COL25A1: variants seen among roughly 807,000 people sequenced by gnomAD.
The protein encoded by COL25A1 is collagen type XXV alpha 1 chain, also known as collagen alpha-1(XXV) chain.
Under a neutral mutation model 128.4 loss-of-function variants are expected in COL25A1, and 103 were observed. That is an observed-to-expected ratio of 0.80 (90% CI 0.68 to 0.94). The LOEUF (loss-of-function observed/expected upper bound fraction) is 0.94, where lower values mean the gene tolerates loss of function less well. Among genes scored for constraint, COL25A1 ranks in the 40% least tolerant of loss-of-function variants. The pLI, the probability that COL25A1 is intolerant of heterozygous loss-of-function variation, is 0.00. For synonymous variants in COL25A1, 279 were observed against 277.2 expected (o/e 1.01, Z -0.06); for missense variants, 745 against 840.0 (o/e 0.89, Z 1.40).
intron 3 of COL25A1, among the ~76,000 whole-genome samples, chr4:109,149,125 G>A (rs1771226128): frequency 6.6e-6 from 1 of 152,052 alleles, no homozygotes; most frequent in Non-Finnish European, 1.5e-5. Flanking sequence ...GCTGTATGTT[G>A]ATTTTTGTAG....
Position 109,301,737 on chromosome 4 carries a change from G to A in COL25A1, c.283C>T (p.Arg95Ter), listed in dbSNP as rs768137711. ...GCCTCTCACACCTGAGCCAGAAGTC[G>A]CTCCACTTTCTCTTGCACCATAGTC... ...LKTMVQEKVE[R>*]LLAQKSYEHM... is the part of the protein sequence containing the mutation. Residue 95 changes from arginine to a stop codon, truncating the protein, a stop_gained, in exon 2 of 38, where the codon CGA (arginine) becomes TGA (stop). Transcript: ENST00000399132. LOFTEE classifies it high-confidence loss of function. 1 of 1,612,678 alleles carries A rather than the reference G, an allele frequency of 6.2e-7. No individual in the cohort carries two copies. The highest frequency in any genetic ancestry group is 1.7e-5 in the Admixed American group (1 of 59,994).
At chr4:109,152,409 A>C (rs970234963) in intron 3 of COL25A1, among the ~76,000 whole-genome samples, 2 of 152,222 alleles carry the variant, frequency 1.3e-5, no homozygotes, top group Non-Finnish European at 2.9e-5. Flanking sequence ...TACACTGTAA[A>C]GTATATAGAG....
At chr4:108,900,002 T>A (rs901897298) in intron 14 of COL25A1, among the ~76,000 whole-genome samples, 18 of 152,116 alleles carry the variant, frequency 1.2e-4, no homozygotes, top group South Asian at 6.2e-4. Context: ...AATGTTGCCA[T>A]AAGATCAGAC....
intron 3 of COL25A1, among the ~76,000 whole-genome samples, chr4:109,061,320 G>A (rs1237434132): frequency 6.6e-6 from 1 of 152,042 alleles, no homozygotes; most frequent in Non-Finnish European, 1.5e-5. Context: ...TAGAAATTCT[G>A]CCTTCTTCAC....
chr4:109,032,720 T>G (rs947774198), intron 5 of COL25A1, among the ~76,000 whole-genome samples: 1 of 152,218 alleles, frequency 6.6e-6, no homozygotes, highest in Non-Finnish European at 1.5e-5. Context: ...AGACAGGAAA[T>G]GTAGCTTAGC....
chr4:109,084,041 T>G lies in COL25A1; in HGVS notation c.368-33862A>C, dbSNP rs1274425128. Reference sequence around the variant, plus strand: ...GAATAATCCACTACACAAGACTCATTTTGTGTCACAAACTCTACAAAGCTT... The same window carrying G: ...GAATAATCCACTACACAAGACTCATGTTGTGTCACAAACTCTACAAAGCTT... On this transcript the variant is annotated intron_variant, in intron 3 of 37. Transcript: ENST00000399132. 5.4e-4 allele frequency among the ~76,000 whole-genome samples: 82 copies of G among 152,330 alleles called. 1 individual carries two copies. The highest frequency in any genetic ancestry group is 1.9e-3 in the African/African-American group (79 of 41,580).
intron 3 of COL25A1, among the ~76,000 whole-genome samples, chr4:109,081,018 C>T (rs1270791896): frequency 1.3e-5 from 2 of 152,128 alleles, no homozygotes; most frequent in Admixed American, 1.3e-4. Context: ...GAATAAATAA[C>T]CTGCGCAAGG....
At chr4:109,272,113 G>A (rs1782237617) in intron 3 of COL25A1, among the ~76,000 whole-genome samples, 1 of 152,066 alleles carries the variant, frequency 6.6e-6, no homozygotes, top group Non-Finnish European at 1.5e-5. Context: ...GTGTGTACCT[G>A]TAGTTCCTGC....
At chr4:109,009,013 T>C (rs758328111) in intron 6 of COL25A1, among the ~76,000 whole-genome samples, 1 of 152,046 alleles carries the variant, frequency 6.6e-6, no homozygotes, top group Admixed American at 6.5e-5. Context: ...TCCCAGCTAC[T>C]TGGGTGGCTG....
chr4:109,107,713 G>A (rs907428762), intron 3 of COL25A1, among the ~76,000 whole-genome samples: 6 of 152,110 alleles, frequency 3.9e-5, no homozygotes, highest in Non-Finnish European at 8.8e-5. Flanking sequence ...GAATATTACC[G>A]ACATCTGTAG....
At chr4:108,888,770 T>C (rs1271670082) in intron 18 of COL25A1, among the ~76,000 whole-genome samples, 1 of 152,168 alleles carries the variant, frequency 6.6e-6, no homozygotes, top group African/African-American at 2.4e-5. Flanking sequence ...TTTGCAATGA[T>C]AGGAAAAGGA....
chr4:108,931,210 A>G (rs1746693712), intron 11 of COL25A1, among the ~76,000 whole-genome samples: 1 of 152,216 alleles, frequency 6.6e-6, no homozygotes, highest in African/African-American at 2.4e-5. Context: ...ACAGATACAT[A>G]TAATATGCAT....
chr4:108,817,788 T>C (rs1731390344), intron 36 of COL25A1, among the ~76,000 whole-genome samples: 1 of 152,144 alleles, frequency 6.6e-6, no homozygotes, highest in Non-Finnish European at 1.5e-5. Flanking sequence ...GGTATCTCTA[T>C]TACGTAAACC....
At chr4:108,859,772 G>C (rs1736956808) in intron 23 of COL25A1, 39 bp from the exon 24 acceptor site, 1 of 1,492,766 alleles carries the variant, frequency 6.7e-7, no homozygotes. Flanking sequence ...ATGGGTATTA[G>C]CTTAGCATGT....
chr4:108,979,637 A>T (rs1324774547), intron 6 of COL25A1, among the ~76,000 whole-genome samples: 1 of 152,204 alleles, frequency 6.6e-6, no homozygotes, highest in South Asian at 2.1e-4. Context: ...TGGGGTTATG[A>T]CTTCTATCCC....
At chr4:108,975,169 C>G (rs898758909) in intron 6 of COL25A1, among the ~76,000 whole-genome samples, 27 of 152,192 alleles carry the variant, frequency 1.8e-4, no homozygotes, top group Admixed American at 1.8e-3. Context: ...TAAAAATACG[C>G]TATGGCCAGG....
intron 11 of COL25A1, among the ~76,000 whole-genome samples, chr4:108,933,090 T>C (rs1299112056): frequency 6.6e-6 from 1 of 152,216 alleles, no homozygotes; most frequent in Non-Finnish European, 1.5e-5. Flanking sequence ...TTTTATTCTA[T>C]CATAGATGCT....
chr4:109,250,511 A>G (rs1419805600), intron 3 of COL25A1, among the ~76,000 whole-genome samples: 3 of 152,162 alleles, frequency 2.0e-5, no homozygotes, highest in African/African-American at 7.2e-5. Flanking sequence ...CCAATGGTAT[A>G]GTTTCGGTTC....
intron 3 of COL25A1, among the ~76,000 whole-genome samples, chr4:109,091,176 C>A (rs1280229337): frequency 6.6e-6 from 1 of 152,142 alleles, no homozygotes; most frequent in African/African-American, 2.4e-5. Context: ...CTGACTACAA[C>A]CTTCATTTCT....
Sources: allele counts gnomAD v4.1 joint callset (sites outside exome capture counted in the v4.1 genomes callset), GRCh38; gene constraint gnomAD v4.1.1; transcripts MANE v1.5; gene names NCBI Gene and HGNC (gene_info 2026-07-23, HGNC 2026-07-21).